LRRC69: variants seen among roughly 807,000 people sequenced by gnomAD.
LRRC69 encodes the protein leucine rich repeat containing 69.
A neutral mutation model predicts 37.8 loss-of-function variants in LRRC69; 42 were observed. The observed-to-expected ratio is 1.11, with a 90% confidence interval of 0.87 to 1.44. The LOEUF (loss-of-function observed/expected upper bound fraction) is 1.44, where lower values mean the gene tolerates loss of function less well. Ranked by LOEUF, LRRC69 falls within the 40% of genes most tolerant of loss-of-function variation. LRRC69 has a pLI of 0.00. For missense variants in LRRC69, 357 were observed against 401.9 expected (o/e 0.89, Z 0.96); for synonymous variants, 141 against 143.1 (o/e 0.99, Z 0.11).
chr8:91,103,669 C>T (rs958846866), intron 1 of LRRC69, among the ~76,000 whole-genome samples: 1 of 151,878 alleles, frequency 6.6e-6, no homozygotes, highest in Non-Finnish European at 1.5e-5. Context: ...TTACTTTCAC[C>T]CTACCTCATT....
At chr8:91,144,879 A>G (rs952345343) in intron 5 of LRRC69, among the ~76,000 whole-genome samples, 8 of 151,984 alleles carry the variant, frequency 5.3e-5, no homozygotes, top group African/African-American at 1.9e-4. Context: ...AAGTGAAGAA[A>G]ACCATTTTAT....
intron 5 of LRRC69, among the ~76,000 whole-genome samples, chr8:91,168,741 T>C (rs1809073788): frequency 6.6e-6 from 1 of 152,006 alleles, no homozygotes; most frequent in South Asian, 2.1e-4. Flanking sequence ...TTTGTGTTTT[T>C]TTTTGCAATT....
chr8:91,164,462 C>T (rs879537762), intron 5 of LRRC69, among the ~76,000 whole-genome samples: 3 of 151,546 alleles, frequency 2.0e-5, no homozygotes, highest in Admixed American at 6.6e-5. Context: ...GGCCAAAGTC[C>T]ATCGTAGAAG....
chr8:91,157,524 T>C (rs945637171), intron 5 of LRRC69: 1 of 1,539,362 alleles, frequency 6.5e-7, no homozygotes, highest in Non-Finnish European at 8.9e-7. Flanking sequence ...TCTATTTGTT[T>C]CCTATAGTAT....
chr8:91,116,441 CAT>C (rs1328183857), intron 1 of LRRC69, among the ~76,000 whole-genome samples: 1 of 151,912 alleles, frequency 6.6e-6, no homozygotes, highest in African/African-American at 2.4e-5. Context: ...AGAATGTGCA[CAT>C]GATAGGACAA....
intron 6 of LRRC69, among the ~76,000 whole-genome samples, chr8:91,197,164 G>A (rs1809619860): frequency 6.6e-6 from 1 of 152,140 alleles, no homozygotes; most frequent in Non-Finnish European, 1.5e-5. Context: ...GGGGGTCAGG[G>A]GTCAGGGACC....
chr8:91,157,555 C>A, intron 5 of LRRC69: 1 of 1,523,480 alleles, frequency 6.6e-7, no homozygotes, highest in Non-Finnish European at 9.0e-7. Flanking sequence ...TGAGGGTTTA[C>A]TCCTGGAAGA....
At chr8:91,178,322 T>C (rs760527626) in intron 5 of LRRC69, among the ~76,000 whole-genome samples, 2 of 152,236 alleles carry the variant, frequency 1.3e-5, no homozygotes, top group Non-Finnish European at 2.9e-5. Context: ...ACAATTGATA[T>C]GGCCCCTCCT....
chr8:91,212,576 A>G (rs187306351), intron 7 of LRRC69, among the ~76,000 whole-genome samples: 1 of 152,332 alleles, frequency 6.6e-6, no homozygotes, highest in Non-Finnish European at 1.5e-5. Flanking sequence ...ACATAAGATT[A>G]CATTTAATAA....
chr8:91,217,087 G>A (rs1329227635), intron 7 of LRRC69, among the ~76,000 whole-genome samples: 1 of 152,050 alleles, frequency 6.6e-6, no homozygotes, highest in South Asian at 2.1e-4. Context: ...TCCTTGGGCT[G>A]AGCCATATGT....
At position 91,193,446 on chromosome 8, in the gene LRRC69, C is replaced by A. The variant is rs1435957542; in HGVS notation, c.753+3823C>A. The stretch of plus-strand genomic sequence containing the variant: ...CTGTAAATTACCTTGGGTAGTATGG[C>A]CATTTTCACGATATTGATTCTTCCT... On this transcript the variant is annotated intron_variant, in intron 6 of 7. Transcript: ENST00000448384. 9.1e-4 allele frequency among the ~76,000 whole-genome samples: 125 copies of A among 136,974 alleles called. 1 individual carries two copies. In the East Asian group the frequency reaches 0.026, roughly 28 times the overall value. 89.9% of individuals were successfully genotyped at this position (136,974 alleles called of 152,430 possible).
At chr8:91,209,423 G>A (rs71528789) in intron 7 of LRRC69, 7,913 of 146,970 alleles carry the variant, frequency 0.054, 278 homozygotes, top group Middle Eastern at 0.16. Flanking sequence ...GGCAACAAGA[G>A]TGAAACTATG....
intron 7 of LRRC69, among the ~76,000 whole-genome samples, chr8:91,210,546 G>GAC (rs1166789108): frequency 2.7e-5 from 3 of 112,854 alleles, no homozygotes; most frequent in African/African-American, 7.7e-5. Flanking sequence ...TTTAAACACA[G>GAC]ACACACACAC....
intron 5 of LRRC69, 94 bp from the exon 6 acceptor site, chr8:91,189,428 T>A (rs919778745): frequency 6.9e-6 from 6 of 869,530 alleles, no homozygotes; most frequent in Non-Finnish European, 1.1e-5. Flanking sequence ...TAGTCCTAAA[T>A]AAAGTAATTT....
intron 5 of LRRC69, among the ~76,000 whole-genome samples, chr8:91,154,011 C>A (rs1457625586): frequency 1.3e-5 from 2 of 151,670 alleles, no homozygotes; most frequent in South Asian, 4.2e-4. Context: ...CAAATAGGCT[C>A]AATGAAAACT....
intron 3 of LRRC69, among the ~76,000 whole-genome samples, chr8:91,129,549 CAATAAAAATGAT>C (rs1207886361): frequency 1.3e-5 from 2 of 151,672 alleles, no homozygotes; most frequent in Admixed American, 6.6e-5. Context: ...AGAGTAGAAT[CAATAAAAATGAT>C]AATAAAAATG....
intron 6 of LRRC69, among the ~76,000 whole-genome samples, chr8:91,195,138 A>G (rs897915945): frequency 2.0e-5 from 3 of 152,104 alleles, no homozygotes; most frequent in Non-Finnish European, 4.4e-5. Context: ...TTCAGTTTCC[A>G]TGTAGTTGAG....
At chr8:91,179,753 G>T (rs145969508) in intron 5 of LRRC69, among the ~76,000 whole-genome samples, 1 of 152,222 alleles carries the variant, frequency 6.6e-6, no homozygotes, top group African/African-American at 2.4e-5. Flanking sequence ...CCACATTTAT[G>T]TATTAAACGT....
intron 7 of LRRC69, among the ~76,000 whole-genome samples, chr8:91,205,986 T>C (rs1809797560): frequency 6.6e-6 from 1 of 152,226 alleles, no homozygotes; most frequent in Non-Finnish European, 1.5e-5. Flanking sequence ...TCATGGCATT[T>C]AGCAAAATTT....
Sources: allele counts gnomAD v4.1 joint callset (sites outside exome capture counted in the v4.1 genomes callset), GRCh38; gene constraint gnomAD v4.1.1; transcripts MANE v1.5; gene names NCBI Gene and HGNC (gene_info 2026-07-23, HGNC 2026-07-21).